BSN: variants seen among roughly 807,000 people sequenced by gnomAD.
BSN encodes protein bassoon.
In BSN, 57 loss-of-function variants were observed where a neutral mutation model predicts 264.8. That is an observed-to-expected ratio of 0.22 (90% CI 0.17 to 0.27). The LOEUF is 0.27. Among genes scored for constraint, BSN ranks in the 10% least tolerant of loss-of-function variants. The probability of loss-of-function intolerance (pLI) is 1.00; values close to 1 mark genes in which losing one functional copy is unlikely to be tolerated. For synonymous variants in BSN, 2,059 were observed against 2,137.3 expected, an observed-to-expected ratio of 0.96 and a Z score of 1.01; for missense variants, 4,615 against 5,232.5, an observed-to-expected ratio of 0.88 and a Z score of 3.64.
intron 10 of BSN, 61 bp downstream of exon 10, chr3:49,664,914 G>A: frequency 7.4e-7 from 1 of 1,348,132 alleles, no homozygotes; most frequent in Non-Finnish European, 1.1e-6. Context: ...CTGGGGGTGG[G>A]GGTGGGGCTC....
intron 1 of BSN, among the ~76,000 whole-genome samples, chr3:49,582,579 G>A (rs2051902646): frequency 6.6e-6 from 1 of 152,210 alleles, no homozygotes; most frequent in African/African-American, 2.4e-5. Flanking sequence ...CATGTGGTCT[G>A]CAGGTAGAGA....
Position 49,554,794 on chromosome 3 carries a change from C to T in BSN, c.192C>T (p.Gly64=), listed in dbSNP as rs540515633. ...STAVPPVPGP[G]PGPGPGPGPG... is the part of the protein sequence containing the mutation. ...CGGTACCACCGGTCCCTGGCCCCGG[C>T]CCCGGCCCCGGTCCCGGCCCTGGCC... The change falls in exon 1 of 12, where the codon GGC becomes GGT. Residue 64 remains glycine (G), a synonymous_variant. Coordinates refer to ENST00000296452, the MANE Select transcript of BSN (RefSeq NM_003458.4). 450 of 1,223,374 alleles carry T rather than the reference C, an allele frequency of 3.7e-4. 2 individuals carry two copies. The South Asian group carries it at 6.7e-3, about 18-fold the overall frequency. 75.8% of individuals were successfully genotyped at this position (1,223,374 alleles called of 1,614,324 possible).
At position 49,653,762 on chromosome 3, in the gene BSN, C is replaced by A. The variant is rs1456702581; in HGVS notation, c.4206C>A (p.Ser1402=). The part of the protein sequence containing the change: ...GLPRGYMTPA[S]PAGSERSPSP... Reference sequence around the variant, plus strand: ...CACGAGGATATATGACTCCAGCCTCCCCAGCAGGCTCCGAGCGTAGTCCTT... The same window carrying A: ...CACGAGGATATATGACTCCAGCCTCACCAGCAGGCTCCGAGCGTAGTCCTT... Residue 1402 remains serine (S), a synonymous_variant, in exon 5 of 12, where the codon TCC becomes TCA. Coordinates refer to ENST00000296452, the MANE Select transcript of BSN (RefSeq NM_003458.4). The surrounding 1 kb of genome is among the most constrained non-coding windows in gnomAD (Gnocchi z 6.3). 6.2e-7 allele frequency: 1 copy of A among 1,614,086 alleles called. No homozygotes were observed. Among genetic ancestry groups the A allele is most frequent in the African/African-American group, 1.3e-5 (1 of 74,990 alleles).
chr3:49,611,279 A>G (rs117820751), intron 1 of BSN, among the ~76,000 whole-genome samples: 2 of 152,250 alleles, frequency 1.3e-5, no homozygotes, highest in Non-Finnish European at 2.9e-5. Context: ...TAGGATTTGC[A>G]GTAGCTGGAA....
intron 1 of BSN, among the ~76,000 whole-genome samples, chr3:49,608,212 A>T (rs1325549048): frequency 1.3e-5 from 2 of 152,182 alleles, no homozygotes; most frequent in Non-Finnish European, 2.9e-5. Context: ...TAGGTATTAG[A>T]TTTCTCCTTC....
rs185967148 is a variant in BSN at position 49,614,208 on chromosome 3, C to T, written c.225-10767C>T. ...CCAAGTAGCTGGGACTACAGATGCCCGCCACCACGCCCAGCTAATTTTTTG... is the reference window on the plus strand; with the variant it reads ...CCAAGTAGCTGGGACTACAGATGCCTGCCACCACGCCCAGCTAATTTTTTG... On this transcript the variant is annotated intron_variant, in intron 1 of 11. Coordinates refer to ENST00000296452, the MANE Select transcript of BSN (RefSeq NM_003458.4). 1.4e-3 allele frequency among the ~76,000 whole-genome samples: 207 copies of T among 152,030 alleles called. 1 individual carries two copies. Among genetic ancestry groups the T allele is most frequent in the Middle Eastern group, 0.014 (4 of 294 alleles).
Position 49,653,855 on chromosome 3 carries a change from G to A in BSN, c.4299G>A (p.Glu1433=), listed in dbSNP as rs1458974106. The change falls in exon 5 of 12, where the codon GAG becomes GAA. Residue 1433 remains glutamate, a synonymous_variant. Transcript: ENST00000296452. The surrounding 1 kb of genome is among the most constrained non-coding windows in gnomAD (Gnocchi z 6.3). ...PTTANYGSQT[E]DLPQAPSGLA... ...CTGCAAACTATGGGTCCCAAACTGA[G>A]GATCTACCCCAGGCCCCCAGTGGCC... The A allele has an allele frequency of 7.4e-6, 12 of 1,613,904 alleles. No homozygotes were observed. Among genetic ancestry groups the A allele is most frequent in the Admixed American group, 3.3e-5 (2 of 59,998 alleles).
intron 3 of BSN, 62 bp downstream of exon 3, chr3:49,643,214 G>A: frequency 3.3e-6 from 5 of 1,532,072 alleles, no homozygotes; most frequent in Non-Finnish European, 3.5e-6. Context: ...TGGGTAGTGA[G>A]TGTCATGGGA....
intron 1 of BSN, among the ~76,000 whole-genome samples, chr3:49,621,557 G>A (rs917116285): frequency 2.0e-5 from 3 of 152,182 alleles, no homozygotes; most frequent in African/African-American, 7.2e-5. Context: ...ATGGTCAAAT[G>A]AGATGAGGAA....
At chr3:49,628,652 G>T (rs1355938135) in intron 2 of BSN, among the ~76,000 whole-genome samples, 1 of 152,222 alleles carries the variant, frequency 6.6e-6, no homozygotes, top group East Asian at 1.9e-4. Context: ...AGTGCCTAGA[G>T]CATGTTGAGA....
At chr3:49,595,749 T>C (rs889539605) in intron 1 of BSN, among the ~76,000 whole-genome samples, 8 of 152,222 alleles carry the variant, frequency 5.3e-5, no homozygotes, top group Admixed American at 3.3e-4. Flanking sequence ...TTCACCTTCA[T>C]TGTTTGTATG....
chr3:49,652,152 G>A lies in BSN; in HGVS notation c.2596G>A (p.Gly866Arg), dbSNP rs551991940. ...GGAGGAGGATGACACTGCCACCTCC[G>A]GGCGTGGCCTGGCCAAACATGGCAC... is the stretch of plus-strand genomic sequence containing the variant. ...NLEEDDTATS[G>R]RGLAKHGTQK... The change falls in exon 5 of 12, where the codon GGG becomes AGG. Residue 866 changes from glycine to arginine, a missense_variant. Gly to Arg is a moderately radical substitution (Grantham distance 125, BLOSUM62 -2). Coordinates refer to ENST00000296452, the MANE Select transcript of BSN (RefSeq NM_003458.4). 3.7e-6 allele frequency: 6 copies of A among 1,614,022 alleles called. No homozygotes were observed. The highest frequency in any genetic ancestry group is 2.2e-5 in the East Asian group (1 of 44,878).
Position 49,656,585 on chromosome 3 carries a change from G to T in BSN, c.7029G>T (p.Gly2343=). ...AGCCACCAGCAGATGCTGCTCCTGGGGGTGGCAGTGGGGCCCTCAGCCGGC... is the reference window on the plus strand; with the variant it reads ...AGCCACCAGCAGATGCTGCTCCTGGTGGTGGCAGTGGGGCCCTCAGCCGGC... The part of the protein sequence containing the change: ...GQKPPADAAP[G]GGSGALSRPG... Residue 2343 remains glycine (G), a synonymous_variant, in exon 5 of 12, where the codon GGG becomes GGT. Coordinates refer to ENST00000296452, the MANE Select transcript of BSN (RefSeq NM_003458.4). 1 of 1,594,750 alleles carries T rather than the reference G, an allele frequency of 6.3e-7. No homozygotes were observed. The highest frequency in any genetic ancestry group is 8.5e-7 in the Non-Finnish European group (1 of 1,170,434).
rs778102168 is a variant in BSN, at chr3:49,642,923, C to G, written c.1289C>G (p.Pro430Arg). ...MGPGSGPGAL[P>R]KTGGTTSPKH... ...CCTGGATCTGGACCTGGAGCCCTGC[C>G]GAAAACTGGGGGAACAACCAGTCCA... Residue 430 changes from proline to arginine, a missense_variant, in exon 3 of 12, where the codon CCG becomes CGG. This residue lies in a region of BSN where 1,197 missense variants were observed against 1,348.0 expected (regional missense o/e 0.89). Transcript: ENST00000296452. The surrounding 1 kb of genome is among the most constrained non-coding windows in gnomAD (Gnocchi z 7.0). 6.2e-7 allele frequency: 1 copy of G among 1,614,056 alleles called. No individual in the cohort carries two copies. The highest frequency in any genetic ancestry group is 8.5e-7 in the Non-Finnish European group (1 of 1,180,020).
rs2052667295 is a variant in BSN, at chr3:49,662,385, C to T, written c.10540C>T (p.Pro3514Ser). Residue 3514 changes from proline to serine, a missense_variant, in exon 6 of 12, where the codon CCC (proline) becomes TCC (serine). Transcript: ENST00000296452. ...GAGCCCCGTCAGTCCTTTGGGGAGG[C>T]CCCGCCCTGCCGGAGGGCCCCTCCC... ...EESPVSPLGRPRPAGGPLPPG... is the reference protein window; with the variant it reads ...EESPVSPLGRSRPAGGPLPPG... The T allele has an allele frequency of 1.2e-6, 2 of 1,613,358 alleles. No individual in the cohort carries two copies. The highest frequency in any genetic ancestry group is 1.7e-6 in the Non-Finnish European group (2 of 1,179,962).
rs2052754125 is a variant in BSN at position 49,671,159 on chromosome 3, T to TGC, written c.*3675_*3676insCG. 6.6e-6 allele frequency: 1 copy of TGC among 151,766 alleles called. No homozygotes were observed. Among genetic ancestry groups the TGC allele is most frequent in the African/African-American group, 2.4e-5 (1 of 41,156 alleles). The allele number at this position is 151,766 out of a possible 1,614,324, so 9.4% of individuals were successfully genotyped here. A position where few individuals can be genotyped will look rare whatever the true frequency, so the allele number is the denominator to read the frequency against. ...GTGTGTATGTGCGTGCGTGCGTGCG[T>TGC]GTGTGTGTGTGTGTGTGTTTCTGCC... On this transcript the variant is annotated 3_prime_UTR_variant, in exon 12 of 12. Coordinates refer to ENST00000296452, the MANE Select transcript of BSN (RefSeq NM_003458.4). The surrounding 1 kb of genome is among the most constrained non-coding windows in gnomAD (Gnocchi z 4.1).
At position 49,653,265 on chromosome 3, in the gene BSN, T is replaced by C; in HGVS notation, c.3709T>C (p.Tyr1237His). 1 of 1,611,628 alleles carries C rather than the reference T, an allele frequency of 6.2e-7. No homozygotes were observed. Among genetic ancestry groups the C allele is most frequent in the Non-Finnish European group, 8.5e-7 (1 of 1,179,690 alleles). The change falls in exon 5 of 12, where the codon TAT (tyrosine) becomes CAT (histidine). Residue 1237 changes from tyrosine (Y) to histidine (H), a missense_variant. Tyr to His is a moderately conservative substitution (Grantham distance 83). This residue lies in a region of BSN where 3,415 missense variants were observed against 3,866.4 expected (regional missense o/e 0.88). Transcript: ENST00000296452. The surrounding 1 kb of genome is among the most constrained non-coding windows in gnomAD (Gnocchi z 6.3). The stretch of plus-strand genomic sequence containing the variant: ...ATATCAAGACACTACAGACCGTGAG[T>C]ATGGCCAGGCTGCTCAGCCTGCCGC... ...FEYQDTTDRE[Y>H]GQAAQPAAEG...
chr3:49,577,380 T>C (rs958252921), intron 1 of BSN, among the ~76,000 whole-genome samples: 3 of 152,162 alleles, frequency 2.0e-5, no homozygotes, highest in Non-Finnish European at 4.4e-5. Flanking sequence ...TCCTAGGAAC[T>C]GGCCTTCTTG....
chr3:49,655,332 A>C lies in BSN; in HGVS notation c.5776A>C (p.Lys1926Gln). 6.2e-7 allele frequency: 1 copy of C among 1,608,152 alleles called. No individual in the cohort carries two copies. Among genetic ancestry groups the C allele is most frequent in the Non-Finnish European group, 8.5e-7 (1 of 1,177,544 alleles). Residue 1926 changes from lysine to glutamine, a missense_variant, in exon 5 of 12, where the codon AAG becomes CAG. Coordinates refer to ENST00000296452, the MANE Select transcript of BSN (RefSeq NM_003458.4). Reference sequence around the variant, plus strand: ...CCACCCGGCCCCCAGTGTGCCTGAGAAGAGCATGGCAGATGCTGCCCCACC... The same window carrying C: ...CCACCCGGCCCCCAGTGTGCCTGAGCAGAGCATGGCAGATGCTGCCCCACC... ...TFHPAPSVPE[K>Q]SMADAAPPGQ...
Sources: gnomAD v4.1 joint callset for allele counts (sites outside exome capture counted in the v4.1 genomes callset) on GRCh38, gnomAD v4.1.1 for gene constraint, gnomAD v4.1.1 regional missense constraint, Gnocchi (gnomAD v3.1) non-coding constraint, MANE v1.5 for transcripts, NCBI Gene and HGNC (gene_info 2026-07-23, HGNC 2026-07-21) for gene names.